CDH10: variants seen among roughly 807,000 people sequenced by gnomAD.
CDH10 encodes cadherin 10, also known as cadherin-10.
CDH10 carries 30 observed loss-of-function variants against 73.1 expected under a neutral mutation model. The observed-to-expected ratio is 0.41, with a 90% CI of 0.31 to 0.56. The LOEUF is 0.56. Ranked by LOEUF, CDH10 falls within the 20% of genes least tolerant of loss-of-function variation. CDH10 has a pLI of 0.27. For missense variants in CDH10, 815 were observed against 973.7 expected, an observed-to-expected ratio of 0.84 and a Z score of 2.17; for synonymous variants, 345 against 348.2, an observed-to-expected ratio of 0.99 and a Z score of 0.10.
At chr5:24,622,307 T>A (rs1369743570) in intron 1 of CDH10, among the ~76,000 whole-genome samples, 1 of 152,164 alleles carries the variant, frequency 6.6e-6, no homozygotes, top group Non-Finnish European at 1.5e-5. Context: ...AGAGTATGCA[T>A]GATAAATCAA....
intron 1 of CDH10, among the ~76,000 whole-genome samples, chr5:24,619,231 C>T (rs576509114): frequency 3.0e-4 from 46 of 151,998 alleles, no homozygotes; most frequent in Admixed American, 1.6e-3. Flanking sequence ...TCTCACTCTG[C>T]CACCCAGGCT....
At chr5:24,508,524 A>T (rs925342137) in intron 7 of CDH10, among the ~76,000 whole-genome samples, 3 of 152,120 alleles carry the variant, frequency 2.0e-5, no homozygotes, top group Non-Finnish European at 4.4e-5. Flanking sequence ...CATTGCAATT[A>T]CTTTTTTCTT....
At chr5:24,549,194 G>T (rs1467960555) in intron 2 of CDH10, among the ~76,000 whole-genome samples, 1 of 152,054 alleles carries the variant, frequency 6.6e-6, no homozygotes, top group Non-Finnish European at 1.5e-5. Context: ...AATTACATAA[G>T]GTCACTGAAT....
intron 2 of CDH10, among the ~76,000 whole-genome samples, chr5:24,547,393 T>C (rs1480797430): frequency 2.6e-5 from 4 of 152,172 alleles, no homozygotes; most frequent in Non-Finnish European, 5.9e-5. Context: ...GTGAGCTGAT[T>C]ACTGGCAGCT....
intron 2 of CDH10, among the ~76,000 whole-genome samples, chr5:24,567,352 GA>G (rs952893237): frequency 1.8e-4 from 26 of 144,046 alleles, no homozygotes; most frequent in Admixed American, 2.8e-4. Context: ...TACACATTTG[GA>G]AAAAAAAAAG....
At chr5:24,604,691 G>A (rs1167247669) in intron 1 of CDH10, among the ~76,000 whole-genome samples, 6 of 151,864 alleles carry the variant, frequency 4.0e-5, no homozygotes, top group South Asian at 4.2e-4. Flanking sequence ...TAACCAACAC[G>A]GTGAAACCCC....
intron 2 of CDH10, among the ~76,000 whole-genome samples, chr5:24,538,250 G>A (rs577390216): frequency 5.9e-5 from 9 of 152,120 alleles, no homozygotes; most frequent in African/African-American, 2.2e-4. Flanking sequence ...AGTACTCAGA[G>A]CAGATAGATA....
At chr5:24,609,612 C>T (rs1179984413) in intron 1 of CDH10, 4 of 152,182 alleles carry the variant, frequency 2.6e-5, no homozygotes, top group African/African-American at 4.8e-5. Flanking sequence ...TCAAAATGAA[C>T]GCTTCTTAAA....
intron 8 of CDH10, among the ~76,000 whole-genome samples, chr5:24,504,437 A>ATTGGGTCT (rs533267406): frequency 1.6e-3 from 221 of 137,514 alleles, no homozygotes; most frequent in South Asian, 2.8e-3. Flanking sequence ...TTGCCACTTC[A>ATTGGGTCT]TTGGGTCTTT....
intron 1 of CDH10, among the ~76,000 whole-genome samples, chr5:24,641,889 G>A (rs1748064545): frequency 6.6e-6 from 1 of 152,060 alleles, no homozygotes; most frequent in Non-Finnish European, 1.5e-5. Flanking sequence ...ACATAGACCT[G>A]AAATTTAGAG....
intron 1 of CDH10, among the ~76,000 whole-genome samples, chr5:24,596,339 C>T (rs1035249601): frequency 1.3e-5 from 2 of 151,788 alleles, no homozygotes; most frequent in African/African-American, 4.8e-5. Context: ...CATTGCTTTG[C>T]TGCTTTTTCC....
At chr5:24,491,005 A>G (rs1025545786) in intron 11 of CDH10, among the ~76,000 whole-genome samples, 2 of 151,998 alleles carry the variant, frequency 1.3e-5, no homozygotes, top group Non-Finnish European at 2.9e-5. Context: ...ATCTCTTCCA[A>G]CCCCTACTTG....
At chr5:24,554,068 G>A (rs1304903175) in intron 2 of CDH10, 1 of 128,990 alleles carries the variant, frequency 7.8e-6, no homozygotes, top group Admixed American at 8.4e-5. Context: ...CACAGAGAGA[G>A]AGAGAGAGAG....
At chr5:24,631,655 A>G (rs987136037) in intron 1 of CDH10, among the ~76,000 whole-genome samples, 17 of 152,042 alleles carry the variant, frequency 1.1e-4, no homozygotes, top group Non-Finnish European at 2.2e-4. Context: ...AACTCCAATC[A>G]TATCGCAAGC....
chr5:24,498,999 G>A (rs1346188820), intron 8 of CDH10, among the ~76,000 whole-genome samples: 1 of 152,058 alleles, frequency 6.6e-6, no homozygotes, highest in Non-Finnish European at 1.5e-5. Flanking sequence ...GCGTGGAAGG[G>A]GACCTGAGCG....
intron 1 of CDH10, among the ~76,000 whole-genome samples, chr5:24,644,062 C>T (rs573031887): frequency 4.6e-5 from 7 of 152,066 alleles, no homozygotes; most frequent in African/African-American, 1.7e-4. Flanking sequence ...TATGTAGATG[C>T]TTAGTGACCA....
chr5:24,535,159 T>C lies in CDH10; in HGVS notation c.767A>G (p.Asn256Ser). 6.2e-7 allele frequency: 1 copy of C among 1,613,242 alleles called. No individual in the cohort carries two copies. Among genetic ancestry groups the C allele is most frequent in the South Asian group, 1.1e-5 (1 of 90,964 alleles). Reference sequence around the variant, plus strand: ...GTCATTGACATCTGTCAGCGTGATGTTCACAGTGGTTGTCCCCGATAAGCC... The same window carrying C: ...GTCATTGACATCTGTCAGCGTGATGCTCACAGTGGTTGTCCCCGATAAGCC... ...MGGLSGTTTV[N>S]ITLTDVNDNP... Residue 256 changes from asparagine to serine, a missense_variant, in exon 5 of 12, where the codon AAC becomes AGC. Around this residue, in one of 3 missense-constraint regions of CDH10, gnomAD observed 516 missense variants for 636.6 expected, o/e 0.81. Coordinates refer to ENST00000264463, the MANE Select transcript of CDH10 (RefSeq NM_006727.5).
At chr5:24,518,885 T>C (rs896502280) in intron 5 of CDH10, among the ~76,000 whole-genome samples, 5 of 4,894 alleles carry the variant, frequency 1.0e-3, no homozygotes, top group Non-Finnish European at 5.6e-3. Flanking sequence ...ACATGTGCAC[T>C]TTTTTTTTTT....
At chr5:24,624,486 A>G (rs1184936415) in intron 1 of CDH10, among the ~76,000 whole-genome samples, 1 of 152,186 alleles carries the variant, frequency 6.6e-6, no homozygotes, top group Non-Finnish European at 1.5e-5. Context: ...CACACTGGGT[A>G]TGGTGATCTC....
Sources: allele counts gnomAD v4.1 joint callset (sites outside exome capture counted in the v4.1 genomes callset), GRCh38; gene constraint gnomAD v4.1.1; regional missense constraint gnomAD v4.1.1; transcripts MANE v1.5; gene names NCBI Gene and HGNC (gene_info 2026-07-23, HGNC 2026-07-21).